MYCBP2: variants seen among roughly 807,000 people sequenced by gnomAD.
The protein encoded by MYCBP2 is MYC binding protein 2.
A neutral mutation model predicts 525.3 loss-of-function variants in MYCBP2; 120 were observed. The ratio of observed to expected loss-of-function variants is 0.23; its 90% CI spans 0.20 to 0.27. The LOEUF is 0.27. Among genes scored for constraint, MYCBP2 ranks in the 10% least tolerant of loss-of-function variants. The pLI is 1.00. For synonymous variants in MYCBP2, 1,894 were observed against 1,955.8 expected, an observed-to-expected ratio of 0.97 and a Z score of 0.83; for missense variants, 4,149 against 5,657.1, an observed-to-expected ratio of 0.73 and a Z score of 8.55.
At chr13:77,201,484 C>G (rs1020123896) in intron 26 of MYCBP2, among the ~76,000 whole-genome samples, 8 of 152,180 alleles carry the variant, frequency 5.3e-5, no homozygotes, top group Non-Finnish European at 7.3e-5. Flanking sequence ...GACAGATCAA[C>G]AAGACAGAAA....
At chr13:77,092,093 A>AC (rs1455051920) in intron 59 of MYCBP2, among the ~76,000 whole-genome samples, 4 of 151,510 alleles carry the variant, frequency 2.6e-5, no homozygotes, top group East Asian at 1.9e-4. Context: ...AAAAAAAAAA[A>AC]AACCTCATTT....
At chr13:77,122,010 C>T (rs2050792123) in intron 54 of MYCBP2, among the ~76,000 whole-genome samples, 1 of 151,778 alleles carries the variant, frequency 6.6e-6, no homozygotes, top group Non-Finnish European at 1.5e-5. Context: ...TATTTTATCA[C>T]ATAAAGATAT....
chr13:77,091,233 T>G (rs927482901), intron 59 of MYCBP2, among the ~76,000 whole-genome samples: 10 of 152,132 alleles, frequency 6.6e-5, no homozygotes, highest in Admixed American at 6.6e-4. Flanking sequence ...ATACTGTACA[T>G]AACTGATTGG....
chr13:77,238,347 T>C (rs185636531), intron 17 of MYCBP2, among the ~76,000 whole-genome samples: 159 of 151,026 alleles, frequency 1.1e-3, no homozygotes, highest in African/African-American at 3.5e-3. Context: ...CAGCTCACAA[T>C]TATGAAACTT....
In MYCBP2 at chr13:77,044,901, GTTT is replaced by G. The variant is rs56131306; in HGVS notation, c.*474_*476del. The G allele has an allele frequency of 4.1e-5, 15 of 365,394 alleles. No individual in the cohort carries two copies. The highest frequency in any genetic ancestry group is 9.5e-5 in the Admixed American group (2 of 20,954). 22.6% of individuals were successfully genotyped at this position (365,394 alleles called of 1,614,324 possible). ...CATTTATATGCTGTCCTAACACAATGTTTTTTTTTTTTTTAAATAACAGTCTAG... is the reference window on the plus strand; with the variant it reads ...CATTTATATGCTGTCCTAACACAATGTTTTTTTTTTTAAATAACAGTCTAG... On this transcript the variant is annotated 3_prime_UTR_variant, in exon 83 of 83. Coordinates refer to ENST00000544440, the MANE Select transcript of MYCBP2 (RefSeq NM_015057.5).
At chr13:77,270,613 A>G in intron 5 of MYCBP2, 75 bp from the exon 6 acceptor site, 1 of 1,348,892 alleles carries the variant, frequency 7.4e-7, no homozygotes, top group Non-Finnish European at 1.0e-6. Context: ...TACTTTGGTA[A>G]TACATCATCA....
At chr13:77,078,638 T>C (rs1161396245) in intron 66 of MYCBP2, among the ~76,000 whole-genome samples, 186 bp downstream of exon 66, 3 of 152,148 alleles carry the variant, frequency 2.0e-5, no homozygotes, top group Non-Finnish European at 4.4e-5. Context: ...ACAGGTGAGA[T>C]GTCCAGCACA....
chr13:77,203,229 T>C (rs377179218), intron 26 of MYCBP2, among the ~76,000 whole-genome samples: 4 of 152,028 alleles, frequency 2.6e-5, no homozygotes, highest in African/African-American at 4.8e-5. Flanking sequence ...ACAAAAATCA[T>C]AAGCATTCTT....
At chr13:77,129,287 A>G (rs1002026143) in intron 52 of MYCBP2, 3 of 396,276 alleles carry the variant, frequency 7.6e-6, no homozygotes, top group Admixed American at 4.4e-5. Flanking sequence ...ACAGGATATC[A>G]TCTGCAGAAG....
At chr13:77,144,244 C>G in intron 49 of MYCBP2, 1 of 547,020 alleles carries the variant, frequency 1.8e-6, no homozygotes, top group South Asian at 2.1e-5. Flanking sequence ...GGCTACAGTG[C>G]CTGGGCGGAC....
At position 77,302,302 on chromosome 13, in the gene MYCBP2, C is replaced by A. The variant is rs533755072; in HGVS notation, c.303-5628G>T. On this transcript the variant is annotated intron_variant, in intron 1 of 82. Transcript: ENST00000544440. ...AAGCATAAAGAGAAAATCTTTAAAG[C>A]AGCCAGAGAAGAGATATGCTTAAAG... Among the ~76,000 whole-genome samples the A allele has an allele frequency of 1.9e-4, 28 of 147,556 alleles. No individual in the cohort carries two copies. The South Asian group carries it at 5.3e-3, about 28-fold the overall frequency.
At position 77,058,329 on chromosome 13, in the gene MYCBP2, A is replaced by G; in HGVS notation, c.13218T>C (p.Cys4406=). The G allele has an allele frequency of 6.2e-7, 1 of 1,614,170 alleles. No homozygotes were observed. The highest frequency in any genetic ancestry group is 1.3e-5 in the African/African-American group (1 of 75,044). ...PCGGVKNEEH[C]LPCLHGCDKS... is the part of the protein sequence containing the mutation. ...TGTCACAGCCGTGTAGACAGGGCAGACAGTGCTCTTCGTTTTTAACACCCC... is the reference window on the plus strand; with the variant it reads ...TGTCACAGCCGTGTAGACAGGGCAGGCAGTGCTCTTCGTTTTTAACACCCC... The change falls in exon 78 of 83, where the codon TGT becomes TGC. Residue 4406 remains cysteine (C), a synonymous_variant. Transcript: ENST00000544440. The surrounding 1 kb of genome is among the most constrained non-coding windows in gnomAD (Gnocchi z 4.1).
chr13:77,112,815 C>G (rs1232812429), intron 55 of MYCBP2, among the ~76,000 whole-genome samples: 2 of 152,152 alleles, frequency 1.3e-5, no homozygotes, highest in African/African-American at 4.8e-5. Flanking sequence ...TTTCTTTCAA[C>G]TGAATTACTC....
chr13:77,050,898 A>G (rs1261341353), intron 82 of MYCBP2, 99 bp downstream of exon 82: 1 of 1,066,176 alleles, frequency 9.4e-7, no homozygotes, highest in East Asian at 2.6e-5. Context: ...GCTAGTTTGA[A>G]TTGAGTTTCT....
In MYCBP2 at chr13:77,098,515, G is replaced by T; in HGVS notation, c.8639C>A (p.Thr2880Asn). 2 of 1,613,712 alleles carry T rather than the reference G, an allele frequency of 1.2e-6. No homozygotes were observed. Among genetic ancestry groups the T allele is most frequent in the Non-Finnish European group, 1.7e-6 (2 of 1,179,806 alleles). ...KSDSYTLDPD[T>N]LRKKKMPLTE... is the part of the protein sequence containing the mutation. ...GAGGGGCATTTTCTTCTTGCGGAGGGTATCTGGATCAAGTGTGTAAGAGTC... is the reference window on the plus strand; with the variant it reads ...GAGGGGCATTTTCTTCTTGCGGAGGTTATCTGGATCAAGTGTGTAAGAGTC... The change falls in exon 56 of 83, where the codon ACC becomes AAC. Residue 2880 changes from threonine to asparagine, a missense_variant. By Grantham distance (65) the Thr-to-Asn change is moderately conservative (BLOSUM62 0). Transcript: ENST00000544440.
intron 29 of MYCBP2, 125 bp from the exon 30 acceptor site, chr13:77,189,172 T>C: frequency 3.3e-6 from 2 of 598,002 alleles, no homozygotes; most frequent in Non-Finnish European, 5.2e-6. Context: ...TGCCAGGTAA[T>C]GCCAATACAG....
chr13:77,275,044 G>C (rs1260777602), intron 4 of MYCBP2, among the ~76,000 whole-genome samples: 1 of 151,782 alleles, frequency 6.6e-6, no homozygotes, highest in Non-Finnish European at 1.5e-5. Context: ...CCTTCAGTGA[G>C]TACATCTGTT....
intron 43 of MYCBP2, among the ~76,000 whole-genome samples, chr13:77,163,960 A>G (rs1223473258): frequency 2.6e-5 from 4 of 152,122 alleles, no homozygotes; most frequent in Non-Finnish European, 5.9e-5. Context: ...TGAAATTTTG[A>G]TAAGTCACAG....
intron 52 of MYCBP2, among the ~76,000 whole-genome samples, chr13:77,131,848 TA>T (rs1171684958): frequency 6.6e-6 from 1 of 152,112 alleles, no homozygotes; most frequent in African/African-American, 2.4e-5. Flanking sequence ...ATTGCAACTC[TA>T]AGCTGATAAT....
Sources: gnomAD v4.1 joint callset for allele counts (sites outside exome capture counted in the v4.1 genomes callset) on GRCh38, gnomAD v4.1.1 for gene constraint, Gnocchi (gnomAD v3.1) non-coding constraint, MANE v1.5 for transcripts, NCBI Gene and HGNC (gene_info 2026-07-23, HGNC 2026-07-21) for gene names.